Variants in MAGI2 observed in about 807,000 individuals in gnomAD.
MAGI2 encodes membrane-associated guanylate kinase, WW and PDZ domain-containing protein 2.
Under a neutral mutation model 133.3 loss-of-function variants are expected in MAGI2, and 35 were observed. That is an observed-to-expected ratio of 0.26 (90% CI 0.20 to 0.35). The LOEUF is 0.35. Ranked by LOEUF, MAGI2 falls within the 10% of genes least tolerant of loss-of-function variation. The pLI is 1.00. For synonymous variants in MAGI2, 729 were observed against 710.6 expected (o/e 1.03, Z -0.41); for missense variants, 1,636 against 1,863.4 (o/e 0.88, Z 2.25).
intron 3 of MAGI2, among the ~76,000 whole-genome samples, chr7:78,523,524 G>T (rs1403065555): frequency 6.6e-6 from 1 of 151,908 alleles, no homozygotes; most frequent in Non-Finnish European, 1.5e-5. Context: ...AAAAAACATT[G>T]CCCAAGACTG....
At chr7:78,948,827 A>G (rs999950847) in intron 2 of MAGI2, among the ~76,000 whole-genome samples, 2 of 152,112 alleles carry the variant, frequency 1.3e-5, no homozygotes, top group Non-Finnish European at 2.9e-5. Flanking sequence ...TATCACATTG[A>G]TAGTTTATTA....
chr7:79,010,410 T>C (rs2116567380), intron 1 of MAGI2, among the ~76,000 whole-genome samples: 1 of 152,226 alleles, frequency 6.6e-6, no homozygotes, highest in African/African-American at 2.4e-5. Context: ...AGTCTGAGTC[T>C]CAAAATGATC....
At chr7:78,413,415 A>G (rs1427002568) in intron 6 of MAGI2, among the ~76,000 whole-genome samples, 1 of 152,116 alleles carries the variant, frequency 6.6e-6, no homozygotes, top group Non-Finnish European at 1.5e-5. Flanking sequence ...CAATTAAATT[A>G]TCACAACATT....
rs574837937 is a variant in MAGI2, at chr7:78,834,896, C to T, written c.418+172194G>A. On this transcript the variant is annotated intron_variant, in intron 2 of 21. Coordinates refer to ENST00000354212, the MANE Select transcript of MAGI2 (RefSeq NM_012301.4). Reference sequence around the variant, plus strand: ...CCCCTCCCCTTGCTCCTGCTTTCACCGTGTGAGATGCCTGCTCCACTTCAC... The same window carrying T: ...CCCCTCCCCTTGCTCCTGCTTTCACTGTGTGAGATGCCTGCTCCACTTCAC... Among the ~76,000 whole-genome samples, 23 of 152,176 alleles carry T rather than the reference C, an allele frequency of 1.5e-4. No homozygotes were observed. The East Asian group carries it at 2.3e-3, about 15-fold the overall frequency.
intron 9 of MAGI2, among the ~76,000 whole-genome samples, chr7:78,270,817 C>CT (rs949491123): frequency 2.1e-4 from 32 of 152,228 alleles, no homozygotes; most frequent in African/African-American, 7.5e-4. Context: ...AACTCTCTGC[C>CT]TGAAATCAAC....
At chr7:79,120,709 T>C (rs1819820124) in intron 1 of MAGI2, among the ~76,000 whole-genome samples, 2 of 152,210 alleles carry the variant, frequency 1.3e-5, no homozygotes, top group East Asian at 1.9e-4. Flanking sequence ...TTTTTGTTAC[T>C]TGAATGACTC....
At chr7:78,673,045 TTTC>T (rs2151076668) in intron 2 of MAGI2, among the ~76,000 whole-genome samples, 1 of 152,314 alleles carries the variant, frequency 6.6e-6, no homozygotes, top group Non-Finnish European at 1.5e-5. Context: ...TTCAAAAATG[TTTC>T]TTTTCATCTT....
chr7:78,227,850 T>TTTGTGTGTGTGTG (rs10630131), intron 10 of MAGI2, among the ~76,000 whole-genome samples: 27 of 145,652 alleles, frequency 1.9e-4, no homozygotes, highest in East Asian at 6.1e-4. Flanking sequence ...TCTTACTCAG[T>TTTGTGTGTGTGTG]TGTGTGTGTG....
intron 2 of MAGI2, among the ~76,000 whole-genome samples, chr7:78,840,586 T>C (rs943439659): frequency 2.6e-5 from 4 of 152,026 alleles, no homozygotes; most frequent in African/African-American, 9.7e-5. Context: ...TGCTATCTAG[T>C]TTATTCTTTA....
chr7:78,814,272 T>G (rs1789359538), intron 2 of MAGI2, among the ~76,000 whole-genome samples: 1 of 152,192 alleles, frequency 6.6e-6, no homozygotes, highest in South Asian at 2.1e-4. Flanking sequence ...TTGTGATTCA[T>G]CAACATTGTA....
chr7:79,117,470 C>G (rs1819506804), intron 1 of MAGI2, among the ~76,000 whole-genome samples: 1 of 152,066 alleles, frequency 6.6e-6, no homozygotes, highest in Admixed American at 6.6e-5. Flanking sequence ...AAAGGTAATA[C>G]TAAACAGTTT....
chr7:78,218,612 T>C (rs1788498975), intron 10 of MAGI2, among the ~76,000 whole-genome samples: 1 of 152,210 alleles, frequency 6.6e-6, no homozygotes, highest in African/African-American at 2.4e-5. Context: ...CAAAGAAGCC[T>C]GCAAACAATG....
At chr7:79,370,565 G>A (rs1842985014) in intron 1 of MAGI2, among the ~76,000 whole-genome samples, 1 of 151,722 alleles carries the variant, frequency 6.6e-6, no homozygotes, top group East Asian at 1.9e-4. Context: ...GAATCATTTT[G>A]GGAATATTGG....
At chr7:78,991,064 C>A (rs1805721393) in intron 2 of MAGI2, among the ~76,000 whole-genome samples, 2 of 151,632 alleles carry the variant, frequency 1.3e-5, no homozygotes, top group African/African-American at 2.4e-5. Flanking sequence ...CCATGCTGTT[C>A]TTGTGATAGT....
chr7:78,776,506 T>G (rs1826000496), intron 2 of MAGI2, among the ~76,000 whole-genome samples: 1 of 152,260 alleles, frequency 6.6e-6, no homozygotes, highest in African/African-American at 2.4e-5. Flanking sequence ...AATAAGCTAA[T>G]TATTCATTTT....
At chr7:79,146,149 G>A (rs960087437) in intron 1 of MAGI2, among the ~76,000 whole-genome samples, 3 of 152,060 alleles carry the variant, frequency 2.0e-5, no homozygotes, top group Non-Finnish European at 4.4e-5. Context: ...TTTGAGAAAA[G>A]TGCTTATTGT....
chr7:79,015,897 A>G (rs1450049591), intron 1 of MAGI2, among the ~76,000 whole-genome samples: 1 of 151,278 alleles, frequency 6.6e-6, no homozygotes, highest in Non-Finnish European at 1.5e-5. Flanking sequence ...AGATCCATTG[A>G]AAATGGAGAG....
chr7:78,386,397 G>T lies in MAGI2; in HGVS notation c.1046-17184C>A, dbSNP rs565852358. On this transcript the variant is annotated intron_variant, in intron 6 of 21. Coordinates refer to ENST00000354212, the MANE Select transcript of MAGI2 (RefSeq NM_012301.4). ...GATTTCCTCCACAGTAAGTGAATCTGCAAAATATAAAGGGACCTGGAATCG... is the reference window on the plus strand; with the variant it reads ...GATTTCCTCCACAGTAAGTGAATCTTCAAAATATAAAGGGACCTGGAATCG... Among the ~76,000 whole-genome samples the T allele has an allele frequency of 2.6e-5, 4 of 152,244 alleles. No individual in the cohort carries two copies. In the East Asian group the frequency reaches 5.8e-4, roughly 22 times the overall value.
rs1584841839 is a variant in MAGI2, at chr7:78,018,437, T to A, written c.*878A>T. The A allele has an allele frequency of 6.6e-6, 1 of 152,262 alleles. No homozygotes were observed. The highest frequency in any genetic ancestry group is 1.5e-5 in the Non-Finnish European group (1 of 68,026). 9.4% of individuals were successfully genotyped at this position (152,262 alleles called of 1,614,324 possible). The stretch of plus-strand genomic sequence containing the variant: ...CTGGGACGACAGAAAAGCCTCTTCA[T>A]AAAGGAACTGCAGCGTTGCCTATCT... On this transcript the variant is annotated 3_prime_UTR_variant, in exon 22 of 22. Transcript: ENST00000354212.
Sources: allele counts gnomAD v4.1 joint callset (sites outside exome capture counted in the v4.1 genomes callset), GRCh38; gene constraint gnomAD v4.1.1; transcripts MANE v1.5; gene names NCBI Gene and HGNC (gene_info 2026-07-23, HGNC 2026-07-21).